Variants in WDFY4 observed in about 807,000 individuals in gnomAD.
The protein encoded by WDFY4 is WD repeat- and FYVE domain-containing protein 4.
WDFY4 carries 169 observed loss-of-function variants against 351.9 expected under a neutral mutation model. The ratio of observed to expected loss-of-function variants is 0.48; its 90% CI spans 0.42 to 0.55. WDFY4 has a LOEUF of 0.55. Among genes scored for constraint, WDFY4 ranks in the 20% least tolerant of loss-of-function variants. The pLI is 0.00. For missense variants in WDFY4, 3,803 were observed against 3,935.6 expected, an observed-to-expected ratio of 0.97 and a Z score of 0.90; for synonymous variants, 1,622 against 1,574.6, an observed-to-expected ratio of 1.03 and a Z score of -0.71.
chr10:48,817,565 T>C (rs1344524624), intron 32 of WDFY4, among the ~76,000 whole-genome samples, 156 bp downstream of exon 32: 1 of 152,266 alleles, frequency 6.6e-6, no homozygotes, highest in Non-Finnish European at 1.5e-5. Flanking sequence ...ATAACCATCC[T>C]TTTTTGGCTG....
chr10:48,826,958 A>C lies in WDFY4; in HGVS notation c.6221+49A>C, dbSNP rs554858007. 2,935 of 1,473,988 alleles carry C rather than the reference A, an allele frequency of 2.0e-3. 3 individuals are homozygous for C. Among genetic ancestry groups the C allele is most frequent in the Non-Finnish European group, 2.6e-3 (2,805 of 1,079,110 alleles). 91.3% of individuals were successfully genotyped at this position (1,473,988 alleles called of 1,614,324 possible). A position where few individuals can be genotyped will look rare whatever the true frequency, so the allele number is the denominator to read the frequency against. ...TTGTCTGCTGGTGGTCCATGCAGAAAGGAGAGATTTAGAGGAAAGCTTGAT... is the reference window on the plus strand; with the variant it reads ...TTGTCTGCTGGTGGTCCATGCAGAACGGAGAGATTTAGAGGAAAGCTTGAT... On this transcript the variant is annotated intron_variant, in intron 36 of 61. Transcript: ENST00000325239.
chr10:48,909,818 A>G (rs3954099), intron 47 of WDFY4: 39,846 of 164,040 alleles, frequency 0.24, 7,163 homozygotes, highest in African/African-American at 0.52. Flanking sequence ...GGTTTGGAGG[A>G]GACAAATGCC....
In WDFY4 at chr10:48,890,668, C is replaced by G; in HGVS notation, c.7257C>G (p.Cys2419Trp). 1 of 1,551,698 alleles carries G rather than the reference C, an allele frequency of 6.4e-7. No individual in the cohort carries two copies. The highest frequency in any genetic ancestry group is 8.7e-7 in the Non-Finnish European group (1 of 1,146,990). The change falls in exon 44 of 62, where the codon TGC becomes TGG. Residue 2419 changes from cysteine to tryptophan, a missense_variant. Physicochemically the swap from Cys to Trp is radical, Grantham distance 215. Around this residue, in one of 3 missense-constraint regions of WDFY4, gnomAD observed 3,054 missense variants for 3,148.6 expected, o/e 0.97. Coordinates refer to ENST00000325239, the MANE Select transcript of WDFY4 (RefSeq NM_001394531.1). ...LLFGHQHFYI[C>W]ENFTLSPTGD... ...TTGGCCACCAACACTTCTACATCTGCGAGAACTTCACACTGTCTCCCACGG... is the reference window on the plus strand; with the variant it reads ...TTGGCCACCAACACTTCTACATCTGGGAGAACTTCACACTGTCTCCCACGG...
intron 39 of WDFY4, among the ~76,000 whole-genome samples, chr10:48,866,131 A>C (rs967098217): frequency 1.2e-4 from 18 of 151,796 alleles, no homozygotes; most frequent in African/African-American, 4.1e-4. Flanking sequence ...CTTGCTTTAG[A>C]TTTAGTTTGC....
At chr10:48,972,058 A>G (rs1842361677) in intron 57 of WDFY4, among the ~76,000 whole-genome samples, 1 of 152,148 alleles carries the variant, frequency 6.6e-6, no homozygotes, top group South Asian at 2.1e-4. Context: ...CCTCGTATCG[A>G]CCTCATAAAA....
At chr10:48,716,471 G>A (rs1299075190) in intron 2 of WDFY4, among the ~76,000 whole-genome samples, 1 of 152,236 alleles carries the variant, frequency 6.6e-6, no homozygotes, top group Non-Finnish European at 1.5e-5. Flanking sequence ...CTCCCAGCAT[G>A]TAAGTCCCAG....
intron 24 of WDFY4, among the ~76,000 whole-genome samples, chr10:48,799,452 A>G (rs2066982545): frequency 6.6e-6 from 1 of 151,996 alleles, no homozygotes; most frequent in Non-Finnish European, 1.5e-5. Flanking sequence ...CTTAGTGACA[A>G]GTAAGTTGTG....
chr10:48,774,689 A>G lies in WDFY4; in HGVS notation c.2768+17A>G, dbSNP rs2065971708. The G allele has an allele frequency of 5.2e-6, 8 of 1,551,492 alleles. No homozygotes were observed. The highest frequency in any genetic ancestry group is 6.1e-6 in the Non-Finnish European group (7 of 1,146,858). On this transcript the variant is annotated intron_variant, in intron 14 of 61. Transcript: ENST00000325239. ...TGTGCTAAGGTACCACATGCTGCAT[A>G]TTCAGTGCCGCCAAGCTGGGCAGCC...
Position 48,786,584 on chromosome 10 carries a change from C to T in WDFY4, c.3577-55C>T, listed in dbSNP as rs1017393398. 5.7e-5 allele frequency: 77 copies of T among 1,344,690 alleles called. No homozygotes were observed. The East Asian group carries it at 1.9e-3, about 33-fold the overall frequency. The allele number at this position is 1,344,690 out of a possible 1,614,324, so 83.3% of individuals were successfully genotyped here. A position where few individuals can be genotyped will look rare whatever the true frequency, so the allele number is the denominator to read the frequency against. ...ATCATGTTATATCACTTTGTATTTACTTGATTAACTCTGAGATCAAACACT... is the reference window on the plus strand; with the variant it reads ...ATCATGTTATATCACTTTGTATTTATTTGATTAACTCTGAGATCAAACACT... On this transcript the variant is annotated intron_variant, in intron 19 of 61. Transcript: ENST00000325239.
chr10:48,725,170 A>AT (rs370823427), intron 5 of WDFY4, among the ~76,000 whole-genome samples: 5,791 of 152,306 alleles, frequency 0.038, 122 homozygotes, highest in Middle Eastern at 0.075. Flanking sequence ...GTGGTCCATG[A>AT]AGCCCAGCTT....
In WDFY4 at chr10:48,755,569, T is replaced by A. The variant is rs74639201; in HGVS notation, c.2460-4778T>A. On this transcript the variant is annotated intron_variant, in intron 12 of 61. Transcript: ENST00000325239. ...TTGAGATTCATTTTTTGTTTGTTTG[T>A]TTTTGCTTATGAATGTCCAATTCTT... Among the ~76,000 whole-genome samples the A allele has an allele frequency of 5.3e-5, 8 of 152,308 alleles. No homozygotes were observed. In the East Asian group the frequency reaches 1.5e-3, roughly 29 times the overall value.
chr10:48,818,937 C>T (rs1023551794), intron 32 of WDFY4, among the ~76,000 whole-genome samples: 6 of 152,192 alleles, frequency 3.9e-5, no homozygotes, highest in East Asian at 1.9e-4. Flanking sequence ...GGCTCCCCCT[C>T]GACACTTCCC....
chr10:48,823,171 T>C, intron 35 of WDFY4: 5 of 1,302,284 alleles, frequency 3.8e-6, no homozygotes, highest in African/African-American at 1.5e-5. Flanking sequence ...AGAGACCTTT[T>C]TTTTTTTTAG....
intron 32 of WDFY4, among the ~76,000 whole-genome samples, chr10:48,819,024 G>T (rs1171139898): frequency 6.6e-6 from 1 of 152,194 alleles, no homozygotes; most frequent in Non-Finnish European, 1.5e-5. Flanking sequence ...ATGCCCAAGG[G>T]CCAGGCTCGC....
intron 12 of WDFY4, among the ~76,000 whole-genome samples, chr10:48,746,390 G>A (rs546710714): frequency 2.0e-5 from 3 of 152,028 alleles, no homozygotes; most frequent in African/African-American, 4.8e-5. Flanking sequence ...TGGTTAGTTC[G>A]TGCCTGGGAT....
intron 4 of WDFY4, among the ~76,000 whole-genome samples, chr10:48,721,796 A>G (rs551545083): frequency 6.6e-6 from 1 of 152,294 alleles, no homozygotes; most frequent in Admixed American, 6.5e-5. Flanking sequence ...GTGAGTGATG[A>G]GAACGCAGGC....
intron 39 of WDFY4, among the ~76,000 whole-genome samples, chr10:48,860,093 T>C (rs2069282691): frequency 6.6e-6 from 1 of 152,240 alleles, no homozygotes; most frequent in South Asian, 2.1e-4. Flanking sequence ...TCATCTATGT[T>C]AGTGTTTCTA....
At chr10:48,758,655 C>T (rs1004572844) in intron 12 of WDFY4, among the ~76,000 whole-genome samples, 1 of 152,152 alleles carries the variant, frequency 6.6e-6, no homozygotes, top group African/African-American at 2.4e-5. Context: ...GCTCCATCTT[C>T]GTGTTCATGG....
At chr10:48,854,627 T>C (rs1161120526) in intron 39 of WDFY4, among the ~76,000 whole-genome samples, 1 of 152,230 alleles carries the variant, frequency 6.6e-6, no homozygotes. Flanking sequence ...TCTCCTGTAA[T>C]GTGACTACTA....
Sources: allele counts gnomAD v4.1 joint callset (sites outside exome capture counted in the v4.1 genomes callset), GRCh38; gene constraint gnomAD v4.1.1; regional missense constraint gnomAD v4.1.1; transcripts MANE v1.5; gene names NCBI Gene and HGNC (gene_info 2026-07-23, HGNC 2026-07-21).